PCDH15: variants seen among roughly 807,000 people sequenced by gnomAD.
PCDH15 encodes protocadherin related 15.
Under a neutral mutation model 178.5 loss-of-function variants are expected in PCDH15, and 129 were observed. The observed-to-expected ratio is 0.72, with a 90% CI of 0.63 to 0.84. PCDH15 has a LOEUF of 0.84. Among genes scored for constraint, PCDH15 ranks in the 40% least tolerant of loss-of-function variants. PCDH15 has a pLI of 0.00. For missense variants in PCDH15, 2,230 were observed against 2,099.9 expected (o/e 1.06, Z -1.21); for synonymous variants, 800 against 732.0 (o/e 1.09, Z -1.50).
intron 1 of PCDH15, among the ~76,000 whole-genome samples, chr10:54,719,691 C>A (rs67710817): frequency 6.6e-6 from 1 of 151,770 alleles, no homozygotes; most frequent in Non-Finnish European, 1.5e-5. Flanking sequence ...CGCCACCCCC[C>A]GACTGGCCCC....
intron 9 of PCDH15, among the ~76,000 whole-genome samples, chr10:54,214,514 A>T (rs190723927): frequency 6.6e-6 from 1 of 152,354 alleles, no homozygotes; most frequent in African/African-American, 2.4e-5. Flanking sequence ...CTTAAGATTA[A>T]TATCAAGCTA....
chr10:55,278,871 GA>G (rs906745327), intron 1 of PCDH15, among the ~76,000 whole-genome samples: 6 of 152,066 alleles, frequency 3.9e-5, no homozygotes, highest in Non-Finnish European at 8.8e-5. Flanking sequence ...AAAGTACCCA[GA>G]GTCTGAGCTT....
intron 15 of PCDH15, among the ~76,000 whole-genome samples, chr10:54,126,072 ATT>A (rs5785039): frequency 9.1e-4 from 127 of 139,126 alleles, no homozygotes; most frequent in South Asian, 2.3e-3. Context: ...AAGAATTACC[ATT>A]TTTTTTTTTT....
At chr10:55,611,898 T>G (rs1480846298) in intron 2 of PCDH15, among the ~76,000 whole-genome samples, 1 of 152,012 alleles carries the variant, frequency 6.6e-6, no homozygotes, top group African/African-American at 2.4e-5. Context: ...GGATCGTATG[T>G]AAAGTGAAAT....
At chr10:55,609,655 A>C (rs1843321451) in intron 2 of PCDH15, among the ~76,000 whole-genome samples, 1 of 152,104 alleles carries the variant, frequency 6.6e-6, no homozygotes, top group Non-Finnish European at 1.5e-5. Flanking sequence ...ATGCAAGAAT[A>C]ATATATATCA....
At chr10:54,781,600 T>C (rs769011510) in intron 1 of PCDH15, among the ~76,000 whole-genome samples, 3 of 152,146 alleles carry the variant, frequency 2.0e-5, no homozygotes, top group Non-Finnish European at 2.9e-5. Context: ...AACACTAACA[T>C]AGTTTTCCAA....
chr10:54,706,427 A>T (rs78327818), intron 1 of PCDH15, among the ~76,000 whole-genome samples: 2,925 of 152,276 alleles, frequency 0.019, 86 homozygotes, highest in African/African-American at 0.065. Flanking sequence ...TTTAAATTGC[A>T]TTGAAAACTT....
intron 2 of PCDH15, among the ~76,000 whole-genome samples, chr10:55,446,226 G>A (rs1839313053): frequency 6.6e-6 from 1 of 150,740 alleles, no homozygotes; most frequent in African/African-American, 2.4e-5. Flanking sequence ...CACACCAGTA[G>A]GAACAAACAA....
intron 23 of PCDH15, among the ~76,000 whole-genome samples, chr10:53,948,116 G>A (rs1041583118): frequency 6.6e-6 from 1 of 152,068 alleles, no homozygotes; most frequent in East Asian, 1.9e-4. Flanking sequence ...TATACATTCA[G>A]TATGCTCCTG....
intron 2 of PCDH15, among the ~76,000 whole-genome samples, chr10:54,994,795 A>G (rs1054088180): frequency 2.6e-5 from 4 of 152,090 alleles, no homozygotes; most frequent in African/African-American, 9.7e-5. Context: ...ATCTACAACC[A>G]TTACATAGGT....
chr10:55,248,924 G>C (rs553816788), intron 1 of PCDH15, among the ~76,000 whole-genome samples: 1 of 152,090 alleles, frequency 6.6e-6, no homozygotes, highest in Admixed American at 6.6e-5. Context: ...ATGATTTAAA[G>C]GACTTGACAA....
intron 18 of PCDH15, among the ~76,000 whole-genome samples, chr10:54,024,793 T>G (rs1437002973): frequency 6.6e-6 from 1 of 152,142 alleles, no homozygotes; most frequent in Non-Finnish European, 1.5e-5. Context: ...TATTGACAAA[T>G]CAGTCAAGCT....
intron 3 of PCDH15, among the ~76,000 whole-genome samples, chr10:54,827,205 G>A (rs1349467881): frequency 1.3e-5 from 2 of 152,092 alleles, no homozygotes; most frequent in Non-Finnish European, 2.9e-5. Flanking sequence ...ACATTGATAT[G>A]TCTCAAGTGC....
chr10:54,509,613 C>T (rs1466031839), intron 3 of PCDH15, among the ~76,000 whole-genome samples: 1 of 152,138 alleles, frequency 6.6e-6, no homozygotes, highest in Non-Finnish European at 1.5e-5. Flanking sequence ...CGTGCCATTT[C>T]TTTAACATCT....
chr10:55,507,341 TACACACACATATGC>T (rs1187904832), intron 2 of PCDH15, among the ~76,000 whole-genome samples: 2 of 151,232 alleles, frequency 1.3e-5, no homozygotes, highest in Non-Finnish European at 3.0e-5. Flanking sequence ...AACATGCACA[TACACACACATATGC>T]ACACACACAT....
chr10:55,250,620 T>C (rs1841811121), intron 1 of PCDH15, among the ~76,000 whole-genome samples: 1 of 144,854 alleles, frequency 6.9e-6, no homozygotes, highest in African/African-American at 2.6e-5. Flanking sequence ...CACTGCAACC[T>C]TCACCTCCCG....
Position 54,622,410 on chromosome 10 carries a change from A to C in PCDH15, c.91+41762T>G, listed in dbSNP as rs544005078. The stretch of plus-strand genomic sequence containing the variant: ...AATACAATAATTGGTGACAAGATTT[A>C]AATTTTGTTTTCCATGAGTTCTGGT... On this transcript the variant is annotated intron_variant, in intron 2 of 37. Coordinates refer to ENST00000644397, the MANE Select transcript of PCDH15 (RefSeq NM_001384140.1). 2.7e-5 allele frequency among the ~76,000 whole-genome samples: 4 copies of C among 149,158 alleles called. No homozygotes were observed. In the South Asian group the frequency reaches 8.4e-4, roughly 31 times the overall value.
intron 2 of PCDH15, among the ~76,000 whole-genome samples, chr10:55,598,828 C>T (rs1425036760): frequency 6.6e-6 from 1 of 151,782 alleles, no homozygotes; most frequent in Non-Finnish European, 1.5e-5. Context: ...GGAGATAAAT[C>T]GTAACACGGT....
At chr10:55,277,822 T>C (rs1412820456) in intron 1 of PCDH15, among the ~76,000 whole-genome samples, 2 of 152,088 alleles carry the variant, frequency 1.3e-5, no homozygotes, top group African/African-American at 4.8e-5. Context: ...TGTTTGAGAC[T>C]CCGCCTCATA....
Sources: allele counts gnomAD v4.1 joint callset (sites outside exome capture counted in the v4.1 genomes callset), GRCh38; gene constraint gnomAD v4.1.1; transcripts MANE v1.5; gene names NCBI Gene and HGNC (gene_info 2026-07-23, HGNC 2026-07-21).